Variants in ARMC3 observed in about 807,000 individuals in gnomAD.
The protein encoded by ARMC3 is armadillo repeat-containing protein 3.
A neutral mutation model predicts 90.3 loss-of-function variants in ARMC3; 74 were observed. The observed-to-expected ratio is 0.82, with a 90% CI of 0.68 to 0.99. ARMC3 has a LOEUF of 0.99. Ranked by LOEUF, ARMC3 falls within the 50% of genes least tolerant of loss-of-function variation. The pLI is 0.00. For missense variants in ARMC3, 958 were observed against 1,042.8 expected (o/e 0.92, Z 1.12); for synonymous variants, 334 against 361.8 (o/e 0.92, Z 0.87).
intron 10 of ARMC3, among the ~76,000 whole-genome samples, chr10:22,986,106 G>C (rs1232951337): frequency 8.5e-6 from 1 of 118,222 alleles, no homozygotes; most frequent in Non-Finnish European, 1.8e-5. Flanking sequence ...CCCCTGCACT[G>C]CACGCCCCCC....
chr10:22,991,876 T>C (rs1836727082), intron 10 of ARMC3, among the ~76,000 whole-genome samples: 1 of 152,236 alleles, frequency 6.6e-6, no homozygotes, highest in Non-Finnish European at 1.5e-5. Flanking sequence ...GTATCTCTAA[T>C]TACTTTGGGA....
intron 3 of ARMC3, among the ~76,000 whole-genome samples, chr10:22,955,021 C>A (rs1304665773): frequency 6.6e-6 from 1 of 152,054 alleles, no homozygotes; most frequent in Non-Finnish European, 1.5e-5. Context: ...GCTCTGATGT[C>A]CCAGGGCAAG....
At chr10:22,934,592 G>C (rs1834045335) in intron 2 of ARMC3, among the ~76,000 whole-genome samples, 2 of 152,168 alleles carry the variant, frequency 1.3e-5, no homozygotes, top group African/African-American at 4.8e-5. Context: ...AAGAGTACCG[G>C]TTCTGGGGCT....
intron 18 of ARMC3, among the ~76,000 whole-genome samples, chr10:23,036,381 AC>A (rs1436245716): frequency 1.3e-5 from 2 of 152,236 alleles, no homozygotes; most frequent in African/African-American, 2.4e-5. Flanking sequence ...ATTAATATAT[AC>A]ATATACAGGG....
intron 8 of ARMC3, among the ~76,000 whole-genome samples, chr10:22,969,691 G>T (rs1027707304): frequency 2.4e-4 from 37 of 152,336 alleles, no homozygotes; most frequent in Admixed American, 2.1e-3. Flanking sequence ...TAGCTGGTCA[G>T]TTCTCTCTTC....
chr10:22,964,807 T>A (rs955740824), intron 7 of ARMC3, among the ~76,000 whole-genome samples: 4 of 151,964 alleles, frequency 2.6e-5, no homozygotes, highest in African/African-American at 9.7e-5. Context: ...TTTTGCCGTA[T>A]TTCTTTGTTC....
chr10:22,975,657 T>C (rs1332943205), intron 8 of ARMC3, among the ~76,000 whole-genome samples: 3 of 152,216 alleles, frequency 2.0e-5, no homozygotes, highest in Non-Finnish European at 4.4e-5. Flanking sequence ...ATTTTTTTGC[T>C]GTATTAAGGT....
chr10:23,014,064 T>C, intron 16 of ARMC3: 1 of 1,547,204 alleles, frequency 6.5e-7, no homozygotes. Flanking sequence ...CTTTGTACTG[T>C]CTTCACTCTC....
intron 17 of ARMC3, 21 bp from the exon 18 acceptor site, chr10:23,032,840 A>C: frequency 6.2e-7 from 1 of 1,601,704 alleles, no homozygotes; most frequent in Non-Finnish European, 8.5e-7. Flanking sequence ...GACCGATTTG[A>C]TCTCAATGTA....
At chr10:23,026,068 A>C (rs1332791718) in intron 16 of ARMC3, among the ~76,000 whole-genome samples, 2 of 152,162 alleles carry the variant, frequency 1.3e-5, no homozygotes, top group Non-Finnish European at 2.9e-5. Context: ...GTAACTATTA[A>C]ATAAATTTAA....
At chr10:22,968,184 C>A (rs902385103) in intron 7 of ARMC3, 122 bp from the exon 8 acceptor site, 6 of 812,348 alleles carry the variant, frequency 7.4e-6, no homozygotes, top group African/African-American at 3.5e-5. Flanking sequence ...TTCCCTGGGG[C>A]CTCTGTCACA....
At chr10:22,940,432 C>T (rs1279484289) in intron 2 of ARMC3, among the ~76,000 whole-genome samples, 1 of 152,234 alleles carries the variant, frequency 6.6e-6, no homozygotes, top group Non-Finnish European at 1.5e-5. Context: ...ATGTTGGATA[C>T]AGATACATTG....
At chr10:22,983,974 A>G (rs1473648932) in intron 10 of ARMC3, among the ~76,000 whole-genome samples, 2 of 152,178 alleles carry the variant, frequency 1.3e-5, no homozygotes, top group African/African-American at 2.4e-5. Context: ...TCATTTCCCC[A>G]GGAAGCATCG....
At chr10:22,986,526 T>C (rs1396003403) in intron 10 of ARMC3, among the ~76,000 whole-genome samples, 1 of 137,056 alleles carries the variant, frequency 7.3e-6, no homozygotes, top group Admixed American at 8.1e-5. Flanking sequence ...CACTCCAGCT[T>C]GGGCAACAGA....
chr10:23,009,146 C>T (rs1052508471), intron 16 of ARMC3, among the ~76,000 whole-genome samples: 2 of 152,250 alleles, frequency 1.3e-5, no homozygotes, highest in African/African-American at 4.8e-5. Flanking sequence ...ACTCTGGTCA[C>T]TTGGATCACT....
chr10:22,959,591 A>G lies in ARMC3; in HGVS notation c.537+17A>G. 6.4e-7 allele frequency: 1 copy of G among 1,568,376 alleles called. No homozygotes were observed. The highest frequency in any genetic ancestry group is 8.6e-7 in the Non-Finnish European group (1 of 1,163,166). The stretch of plus-strand genomic sequence containing the variant: ...TTGGTGCAGGTAAGATTAATTTCTA[A>G]AAAGCGTTCTGATGAAAGCTCATTT... On this transcript the variant is annotated intron_variant, in intron 6 of 18. Transcript: ENST00000298032.
intron 13 of ARMC3, 29 bp from the exon 14 acceptor site, chr10:23,006,855 T>G (rs553830473): frequency 6.3e-7 from 1 of 1,598,976 alleles, no homozygotes; most frequent in South Asian, 1.1e-5. Context: ...CTGCAGATAC[T>G]ACTTTTTGGT....
chr10:22,993,667 A>T (rs1836814878), intron 10 of ARMC3, among the ~76,000 whole-genome samples: 1 of 152,222 alleles, frequency 6.6e-6, no homozygotes, highest in African/African-American at 2.4e-5. Flanking sequence ...AGTACCAGGT[A>T]CAGACATAGC....
chr10:23,003,489 C>A, intron 13 of ARMC3, 75 bp downstream of exon 13: 2 of 1,151,724 alleles, frequency 1.7e-6, no homozygotes, highest in Non-Finnish European at 2.4e-6. Flanking sequence ...CATTACATTG[C>A]CATTTCATCA....
Sources: gnomAD v4.1 joint callset for allele counts (sites outside exome capture counted in the v4.1 genomes callset) on GRCh38, gnomAD v4.1.1 for gene constraint, MANE v1.5 for transcripts, NCBI Gene and HGNC (gene_info 2026-07-23, HGNC 2026-07-21) for gene names.